POLA1: variants seen among roughly 807,000 people sequenced by gnomAD.
POLA1 encodes the protein DNA polymerase alpha 1, catalytic subunit, also known as DNA polymerase alpha catalytic subunit.
POLA1 carries 15 observed loss-of-function variants against 124.0 expected under a neutral mutation model. The ratio of observed to expected loss-of-function variants is 0.12; its 90% CI spans 0.08 to 0.19. The LOEUF (loss-of-function observed/expected upper bound fraction) is 0.19, where lower values mean the gene tolerates loss of function less well. POLA1 is among the 10% of genes least tolerant of loss of function. The pLI, the probability that POLA1 is intolerant of heterozygous loss-of-function variation, is 1.00. For synonymous variants in POLA1, 408 were observed against 389.4 expected (o/e 1.05, Z -0.56); for missense variants, 886 against 1,103.4 (o/e 0.80, Z 2.79).
chrX:24,963,247 A>T (rs901321241), intron 36 of POLA1, among the ~76,000 whole-genome samples: 1 of 112,065 alleles, frequency 8.9e-6, no homozygotes, highest in African/African-American at 3.2e-5. Flanking sequence ...AAATATCAGC[A>T]TATTAATATG....
chrX:24,854,858 C>T (rs1397028444), intron 34 of POLA1, among the ~76,000 whole-genome samples: 1 of 109,060 alleles, frequency 9.2e-6, no homozygotes, highest in Non-Finnish European at 1.9e-5. Context: ...AATTTATGTG[C>T]AAGAATATAC....
intron 36 of POLA1, among the ~76,000 whole-genome samples, chrX:24,970,006 C>G (rs77545235): frequency 9.8e-5 from 11 of 112,534 alleles, no homozygotes; most frequent in African/African-American, 3.6e-4. Context: ...GACCTCGTTC[C>G]TTTTTTATGG....
chrX:24,846,184 G>A (rs749429014), intron 34 of POLA1, among the ~76,000 whole-genome samples: 13 of 111,992 alleles, frequency 1.2e-4, no homozygotes, highest in Admixed American at 1.0e-3. Flanking sequence ...GAAGCAAACT[G>A]TATCACATCA....
chrX:24,697,160 G>T (rs780785008), intron 1 of POLA1, among the ~76,000 whole-genome samples: 11 of 111,435 alleles, frequency 9.9e-5, no homozygotes, highest in Non-Finnish European at 2.1e-4. Flanking sequence ...TGGACAGGCA[G>T]CTCTGTCTTA....
chrX:24,887,940 C>T (rs1569350851), intron 34 of POLA1, 66 bp from the exon 35 acceptor site: 1 of 662,747 alleles, frequency 1.5e-6, no homozygotes, highest in Non-Finnish European at 2.5e-6. Context: ...ATCTTGATAA[C>T]CAAAAAAAGG....
At chrX:24,870,359 C>T (rs780487392) in intron 34 of POLA1, among the ~76,000 whole-genome samples, 1 of 112,173 alleles carries the variant, frequency 8.9e-6, no homozygotes, top group South Asian at 3.7e-4. Context: ...TAGTCCTTCA[C>T]TCATCCCCAA....
chrX:24,821,449 T>C lies in POLA1; in HGVS notation c.3430-3T>C. 1 of 1,202,454 alleles carries C rather than the reference T, an allele frequency of 8.3e-7. No individual in the cohort carries two copies. Among genetic ancestry groups the C allele is most frequent in the South Asian group, 1.8e-5 (1 of 54,965 alleles). On this transcript the variant is annotated splice_polypyrimidine_tract_variant and splice_region_variant and intron_variant, in intron 30 of 36. Transcript: ENST00000379068. ...CTTAGAACTTTTTTGTTCCCTCTTT[T>C]AGGCATTGACAAAGGATCCCCAGGA...
chrX:24,989,033 T>G (rs1293781210), intron 36 of POLA1, among the ~76,000 whole-genome samples: 1 of 111,934 alleles, frequency 8.9e-6, no homozygotes, highest in Non-Finnish European at 1.9e-5. Flanking sequence ...TCTTGGATAT[T>G]GTTGCTGACT....
At chrX:24,955,795 C>T in intron 36 of POLA1, among the ~76,000 whole-genome samples, 1 of 111,708 alleles carries the variant, frequency 9.0e-6, no homozygotes, top group Non-Finnish European at 1.9e-5. Flanking sequence ...CTGTTGCAGT[C>T]TAGGGTTTGT....
chrX:24,990,735 C>T (rs1404220549), intron 36 of POLA1, among the ~76,000 whole-genome samples: 1 of 111,893 alleles, frequency 8.9e-6, no homozygotes, highest in Non-Finnish European at 1.9e-5. Context: ...GAATTGGAAG[C>T]GTCTGTCATG....
At chrX:24,830,329 G>T (rs1025510023) in intron 32 of POLA1, among the ~76,000 whole-genome samples, 1 of 111,753 alleles carries the variant, frequency 8.9e-6, no homozygotes, top group African/African-American at 3.3e-5. Flanking sequence ...CTGGTGGCAT[G>T]TTGCATGGCC....
chrX:24,777,787 A>G (rs2045171353), intron 26 of POLA1, among the ~76,000 whole-genome samples: 1 of 112,055 alleles, frequency 8.9e-6, no homozygotes. Flanking sequence ...TCCTTTCTCT[A>G]TAAAGCATTT....
Position 24,699,505 on chromosome X carries a change from G to C in POLA1, c.124G>C (p.Glu42Gln), listed in dbSNP as rs201128590. Residue 42 changes from glutamate (E) to glutamine (Q), a missense_variant, in exon 2 of 37, where the codon GAA becomes CAA. By Grantham distance (29) the Glu-to-Gln change is conservative. Coordinates refer to ENST00000379068, the MANE Select transcript of POLA1 (RefSeq NM_001330360.2). The part of the protein sequence containing the change: ...KSKKGRQEAL[E>Q]RLKKAKAGEK... ...AAAGAAGGGGCGCCAAGAAGCCCTA[G>C]AAAGACTGAAAAAGGCTAAAGCTGG... is the stretch of plus-strand genomic sequence containing the variant. The C allele has an allele frequency of 6.8e-6, 8 of 1,182,191 alleles. No homozygotes were observed. The highest frequency in any genetic ancestry group is 9.1e-6 in the Non-Finnish European group (8 of 878,970).
intron 36 of POLA1, among the ~76,000 whole-genome samples, chrX:24,956,783 A>ACTC (rs775970867): frequency 2.7e-5 from 3 of 112,043 alleles, no homozygotes; most frequent in Non-Finnish European, 5.6e-5. Context: ...AAAATTCAAG[A>ACTC]CTCTACTATC....
chrX:24,936,692 C>T (rs1384921681), intron 36 of POLA1, among the ~76,000 whole-genome samples: 2 of 111,205 alleles, frequency 1.8e-5, no homozygotes, highest in African/African-American at 3.3e-5. Context: ...CCACCACGCC[C>T]GGCTAATTTT....
In POLA1 at chrX:24,842,881, A is replaced by G. The variant is rs754734464; in HGVS notation, c.3916-665A>G. Among the ~76,000 whole-genome samples, 6 of 112,107 alleles carry G rather than the reference A, an allele frequency of 5.4e-5. No homozygotes were observed. In the East Asian group the frequency reaches 8.3e-4, roughly 16 times the overall value. ...CTTCAGAAATCCCAACAGTTTTGCT[A>G]TATATTACATTTGCCTTGTCTTTGT... On this transcript the variant is annotated intron_variant, in intron 33 of 36. Coordinates refer to ENST00000379068, the MANE Select transcript of POLA1 (RefSeq NM_001330360.2).
At chrX:24,765,952 A>C (rs1271197199) in intron 26 of POLA1, among the ~76,000 whole-genome samples, 1 of 111,841 alleles carries the variant, frequency 8.9e-6, no homozygotes, top group Non-Finnish European at 1.9e-5. Context: ...ATGGTATCTT[A>C]TCATTTTTCA....
intron 10 of POLA1, 111 bp downstream of exon 10, chrX:24,717,869 T>C (rs1372752258): frequency 1.9e-5 from 10 of 531,220 alleles, no homozygotes; most frequent in Non-Finnish European, 2.6e-5. Flanking sequence ...TTAATCAGTT[T>C]ATTTCTGTTT....
At chrX:24,914,020 C>A (rs2047492874) in intron 35 of POLA1, among the ~76,000 whole-genome samples, 1 of 109,999 alleles carries the variant, frequency 9.1e-6, no homozygotes, top group African/African-American at 3.3e-5. Context: ...AAGAATGAAA[C>A]TCCATCTCAA....
Sources: gnomAD v4.1 joint callset for allele counts (sites outside exome capture counted in the v4.1 genomes callset) on GRCh38, gnomAD v4.1.1 for gene constraint, MANE v1.5 for transcripts, NCBI Gene and HGNC (gene_info 2026-07-23, HGNC 2026-07-21) for gene names.